The following ADAM17 variants were observed in gnomAD, a reference collection of about 807,000 sequenced individuals.
ADAM17 encodes the protein ADAM metallopeptidase domain 17, also known as disintegrin and metalloproteinase domain-containing protein 17.
ADAM17 carries 39 observed loss-of-function variants against 96.7 expected under a neutral mutation model. The observed-to-expected ratio is 0.40, with a 90% CI of 0.31 to 0.53. ADAM17 has a LOEUF of 0.53. ADAM17 is among the 20% of genes least tolerant of loss of function. The probability of loss-of-function intolerance (pLI) is 0.44; values close to 1 mark genes in which losing one functional copy is unlikely to be tolerated. For missense variants in ADAM17, 777 were observed against 1,013.2 expected, an observed-to-expected ratio of 0.77 and a Z score of 3.17; for synonymous variants, 344 against 359.2, an observed-to-expected ratio of 0.96 and a Z score of 0.48.
intron 13 of ADAM17, 89 bp from the exon 14 acceptor site, chr2:9,497,337 G>A (rs1662691912): frequency 6.5e-7 from 1 of 1,541,638 alleles, no homozygotes; most frequent in African/African-American, 1.4e-5. Flanking sequence ...TCATACAAGT[G>A]AGCATCTTAC....
rs1040444658 is a variant in ADAM17, at chr2:9,497,210, C to T, written c.1687G>A (p.Asp563Asn). 3 of 1,614,132 alleles carry T rather than the reference C, an allele frequency of 1.9e-6. No homozygotes were observed. Among genetic ancestry groups the T allele is most frequent in the Non-Finnish European group, 2.5e-6 (3 of 1,180,056 alleles). The change falls in exon 14 of 19, where the codon GAT becomes AAT. Residue 563 changes from aspartate (D) to asparagine (N), a missense_variant. Physicochemically the swap from Asp to Asn is conservative, Grantham distance 23. Coordinates refer to ENST00000310823, the MANE Select transcript of ADAM17 (RefSeq NM_003183.6). ...CCAAGATCCAAGCAAACAGTGTCATCTTCAGCATTTCCTGGAGGCGGGCAC... is the reference window on the plus strand; with the variant it reads ...CCAAGATCCAAGCAAACAGTGTCATTTTCAGCATTTCCTGGAGGCGGGCAC... ...SECPPPGNAE[D>N]DTVCLDLGKC...
chr2:9,546,715 C>CTTTTTTTTTTTT (rs59009659), intron 1 of ADAM17, among the ~76,000 whole-genome samples: 1 of 137,828 alleles, frequency 7.3e-6, no homozygotes. Flanking sequence ...TGGCCATATT[C>CTTTTTTTTTTTT]TTTTTTTTTT....
At chr2:9,504,382 T>C (rs565080632) in intron 12 of ADAM17, among the ~76,000 whole-genome samples, 1 of 151,046 alleles carries the variant, frequency 6.6e-6, no homozygotes, top group South Asian at 2.1e-4. Flanking sequence ...GAGGCGGAGA[T>C]TGCAGTGCGC....
rs1358258663 is a variant in ADAM17 at position 9,521,162 on chromosome 2, CAA to C, written c.957+39_957+40del. On this transcript the variant is annotated intron_variant, in intron 8 of 18. Coordinates refer to ENST00000310823, the MANE Select transcript of ADAM17 (RefSeq NM_003183.6). ...CATACAATCCACATATCAGAAATGA[CAA>C]AGTGGTGTTAGCACCATATCCAGGA... The C allele has an allele frequency of 2.1e-6, 3 of 1,429,934 alleles. No individual in the cohort carries two copies. In the African/African-American group the frequency reaches 4.2e-5, roughly 20 times the overall value. 88.6% of individuals were successfully genotyped at this position (1,429,934 alleles called of 1,614,324 possible).
intron 17 of ADAM17, among the ~76,000 whole-genome samples, chr2:9,491,498 C>T (rs1452377888): frequency 3.9e-5 from 6 of 152,216 alleles, no homozygotes; most frequent in African/African-American, 1.4e-4. Context: ...ATGCTGGGTA[C>T]ACCAGGACCG....
rs1319791624 is a variant in ADAM17, at chr2:9,552,924, A to T, written c.97+2585T>A. On this transcript the variant is annotated intron_variant, in intron 1 of 18. Coordinates refer to ENST00000310823, the MANE Select transcript of ADAM17 (RefSeq NM_003183.6). ...ATGCCTAATCGATATTGAGTACTGC[A>T]ATATAGTAGTATTTGTAGGACAATA... 2.6e-5 allele frequency among the ~76,000 whole-genome samples: 4 copies of T among 152,336 alleles called. No homozygotes were observed. The East Asian group carries it at 7.7e-4, about 29-fold the overall frequency.
rs749066091 is a variant in ADAM17 at position 9,494,717 on chromosome 2, C to T, written c.1834G>A (p.Val612Met). ...VCCRDLSGRC[V>M]PYVDAEQKNL... ...TTTTGTTCAGCATCGACATAGGGCA[C>T]ACAGCGGCCAGAAAGGTCCCTGCAG... is the stretch of plus-strand genomic sequence containing the variant. The change falls in exon 15 of 19, where the codon GTG becomes ATG. Residue 612 changes from valine (V) to methionine (M), a missense_variant. Coordinates refer to ENST00000310823, the MANE Select transcript of ADAM17 (RefSeq NM_003183.6). 6 of 1,614,134 alleles carry T rather than the reference C, an allele frequency of 3.7e-6. No homozygotes were observed. The South Asian group carries it at 5.5e-5, about 15-fold the overall frequency.
rs774823867 is a variant in ADAM17 at position 9,497,250 on chromosome 2, TG to T, written c.1649-3del. 1 of 1,613,896 alleles carries T rather than the reference TG, an allele frequency of 6.2e-7. No individual in the cohort carries two copies. Among genetic ancestry groups the T allele is most frequent in the Admixed American group, 1.7e-5 (1 of 59,986 alleles). On this transcript the variant is annotated splice_polypyrimidine_tract_variant and splice_region_variant and intron_variant, in intron 13 of 18. Coordinates refer to ENST00000310823, the MANE Select transcript of ADAM17 (RefSeq NM_003183.6). ...GAGGCGGGCACTCACTGCTATTACC[TG>T]GAAGCAAACACCAGTCATAACAAAA...
At position 9,547,810 on chromosome 2, in the gene ADAM17, G is replaced by A. The variant is rs112474637; in HGVS notation, c.98-4525C>T. Among the ~76,000 whole-genome samples the A allele has an allele frequency of 2.1e-3, 322 of 152,274 alleles. 2 individuals carry two copies. The highest frequency in any genetic ancestry group is 7.2e-3 in the African/African-American group (298 of 41,558). On this transcript the variant is annotated intron_variant, in intron 1 of 18. Transcript: ENST00000310823. Reference sequence around the variant, plus strand: ...CATGCCTGTCATCCCAGCACCTTGGGAGGCCAAGATGGGTAGATCGCTTGA... The same window carrying A: ...CATGCCTGTCATCCCAGCACCTTGGAAGGCCAAGATGGGTAGATCGCTTGA...
intron 12 of ADAM17, among the ~76,000 whole-genome samples, chr2:9,503,726 T>TA (rs1330819743): frequency 1.3e-5 from 2 of 150,718 alleles, no homozygotes; most frequent in Admixed American, 1.3e-4. Context: ...TAATCCCAGC[T>TA]ACTGGGGAGG....
chr2:9,540,579 T>A (rs372042144), intron 2 of ADAM17, among the ~76,000 whole-genome samples: 1 of 151,998 alleles, frequency 6.6e-6, no homozygotes, highest in Non-Finnish European at 1.5e-5. Flanking sequence ...TAAAAAGAAG[T>A]CATTAAAAAA....
intron 8 of ADAM17, among the ~76,000 whole-genome samples, chr2:9,520,903 G>A (rs890248040): frequency 7.4e-6 from 1 of 135,612 alleles, no homozygotes; most frequent in African/African-American, 2.7e-5. Flanking sequence ...GATGGAGGTT[G>A]CGGTGAGCCA....
intron 7 of ADAM17, among the ~76,000 whole-genome samples, chr2:9,522,784 C>T (rs903506560): frequency 2.0e-5 from 3 of 152,244 alleles, no homozygotes; most frequent in East Asian, 1.9e-4. Context: ...TTACTAGACA[C>T]ACTCTGTTAA....
rs1004142070 is a variant in ADAM17, at chr2:9,527,808, T to C, written c.597A>G (p.Leu199=). 1 of 1,596,350 alleles carries C rather than the reference T, an allele frequency of 6.3e-7. No individual in the cohort carries two copies. ...VDNEELLPKG[L]VDREPPEELV... ...TACCTTCAGGTGGTTCTCTGTCTACTAACCCTTTTGGGAGCAACTCTTCAT... is the reference window on the plus strand; with the variant it reads ...TACCTTCAGGTGGTTCTCTGTCTACCAACCCTTTTGGGAGCAACTCTTCAT... Residue 199 remains leucine, a synonymous_variant, in exon 5 of 19, where the codon TTA becomes TTG. Transcript: ENST00000310823.
intron 9 of ADAM17, 47 bp from the exon 10 acceptor site, chr2:9,518,036 T>C: frequency 6.3e-7 from 1 of 1,576,848 alleles, no homozygotes; most frequent in Non-Finnish European, 8.6e-7. Flanking sequence ...AAATACAGAA[T>C]TATAATATAA....
intron 14 of ADAM17, chr2:9,496,433 T>C (rs1280361119): frequency 1.5e-5 from 2 of 134,958 alleles, no homozygotes; most frequent in Non-Finnish European, 2.9e-5. Flanking sequence ...CCTGGCTCTC[T>C]GTCTATTTTG....
At chr2:9,539,576 T>C (rs1446258342) in intron 2 of ADAM17, among the ~76,000 whole-genome samples, 2 of 152,216 alleles carry the variant, frequency 1.3e-5, no homozygotes, top group Non-Finnish European at 2.9e-5. Context: ...TGCAATGATC[T>C]TGGTTTAAAT....
chr2:9,511,507 A>G (rs928082347), intron 10 of ADAM17, among the ~76,000 whole-genome samples: 3 of 152,204 alleles, frequency 2.0e-5, no homozygotes, highest in Non-Finnish European at 2.9e-5. Context: ...TATTTTCTCA[A>G]TGACTGAATT....
intron 10 of ADAM17, among the ~76,000 whole-genome samples, chr2:9,511,577 G>A (rs1663744626): frequency 6.6e-6 from 1 of 152,098 alleles, no homozygotes; most frequent in Non-Finnish European, 1.5e-5. Flanking sequence ...CCAGTTGCAG[G>A]GCTGTACTTA....
Sources: allele counts gnomAD v4.1 joint callset (sites outside exome capture counted in the v4.1 genomes callset), GRCh38; gene constraint gnomAD v4.1.1; transcripts MANE v1.5; gene names NCBI Gene and HGNC (gene_info 2026-07-23, HGNC 2026-07-21).